The following SMYD3 variants were observed in gnomAD, a reference collection of about 807,000 sequenced individuals.
The protein encoded by SMYD3 is histone-lysine N-methyltransferase SMYD3.
In SMYD3, 36 loss-of-function variants were observed where a neutral mutation model predicts 57.7. The ratio of observed to expected loss-of-function variants is 0.62; its 90% CI spans 0.48 to 0.82. The LOEUF is 0.82. Among genes scored for constraint, SMYD3 ranks in the 40% least tolerant of loss-of-function variants. SMYD3 has a pLI of 0.00. For synonymous variants in SMYD3, 211 were observed against 195.0 expected, an observed-to-expected ratio of 1.08 and a Z score of -0.68; for missense variants, 515 against 538.8, an observed-to-expected ratio of 0.96 and a Z score of 0.44.
At chr1:246,362,854 C>T (rs1572421388) in intron 1 of SMYD3, among the ~76,000 whole-genome samples, 1 of 152,246 alleles carries the variant, frequency 6.6e-6, no homozygotes, top group East Asian at 1.9e-4. Flanking sequence ...TCCCAAAGTG[C>T]CGAGATTGCA....
chr1:246,075,155 TGC>T (rs1221117100), intron 5 of SMYD3, among the ~76,000 whole-genome samples: 5 of 152,074 alleles, frequency 3.3e-5, no homozygotes, highest in African/African-American at 1.2e-4. Context: ...TTCATTACTA[TGC>T]CCAAGAAAAG....
At chr1:246,415,920 T>C (rs890202253) in intron 1 of SMYD3, among the ~76,000 whole-genome samples, 2 of 152,250 alleles carry the variant, frequency 1.3e-5, no homozygotes, top group Admixed American at 1.3e-4. Context: ...CCGTATGTTA[T>C]GCCTTGAACT....
At chr1:246,382,660 T>C (rs551864899) in intron 1 of SMYD3, among the ~76,000 whole-genome samples, 2 of 151,760 alleles carry the variant, frequency 1.3e-5, no homozygotes, top group South Asian at 4.2e-4. Context: ...TAGTGCCAGG[T>C]TGCCCCACAG....
chr1:246,105,088 A>G (rs189788523), intron 5 of SMYD3, among the ~76,000 whole-genome samples: 43 of 152,290 alleles, frequency 2.8e-4, no homozygotes, highest in African/African-American at 9.1e-4. Flanking sequence ...TGGCCACACC[A>G]TCCTAACAGG....
intron 1 of SMYD3, among the ~76,000 whole-genome samples, chr1:246,413,442 C>A (rs540298678): frequency 6.6e-5 from 10 of 152,148 alleles, no homozygotes; most frequent in African/African-American, 2.4e-4. Flanking sequence ...AGCGCTATTC[C>A]CAACAGAATG....
At chr1:246,182,339 C>CT in intron 5 of SMYD3, among the ~76,000 whole-genome samples, 1 of 152,206 alleles carries the variant, frequency 6.6e-6, no homozygotes, top group East Asian at 1.9e-4. Context: ...CTCGACTTCT[C>CT]TATCACCTCT....
intron 5 of SMYD3, among the ~76,000 whole-genome samples, chr1:246,046,661 T>TA (rs904639204): frequency 2.8e-5 from 4 of 143,602 alleles, no homozygotes; most frequent in Non-Finnish European, 4.5e-5. Flanking sequence ...ATTTTATATA[T>TA]TTTTTTAATA....
At chr1:246,499,866 G>A (rs918486076) in intron 1 of SMYD3, among the ~76,000 whole-genome samples, 1 of 152,056 alleles carries the variant, frequency 6.6e-6, no homozygotes, top group Non-Finnish European at 1.5e-5. Context: ...TCTCAATAAC[G>A]TTTTTTAAAT....
At chr1:245,796,355 T>A (rs1001824924) in intron 10 of SMYD3, among the ~76,000 whole-genome samples, 2 of 150,874 alleles carry the variant, frequency 1.3e-5, no homozygotes, top group African/African-American at 2.5e-5. Flanking sequence ...ATTTTTTTTT[T>A]AATAAAATGG....
At chr1:246,307,477 T>G (rs949447747) in intron 5 of SMYD3, among the ~76,000 whole-genome samples, 3 of 141,780 alleles carry the variant, frequency 2.1e-5, no homozygotes, top group Admixed American at 7.7e-5. Context: ...TGGAGTGCAG[T>G]GGCGTGATCT....
intron 10 of SMYD3, among the ~76,000 whole-genome samples, chr1:245,818,184 C>T (rs1221537926): frequency 5.3e-5 from 8 of 152,204 alleles, no homozygotes; most frequent in Non-Finnish European, 1.0e-4. Context: ...GCCCATCAGA[C>T]TAACAGCGGA....
At chr1:246,113,079 G>A (rs1199054975) in intron 5 of SMYD3, among the ~76,000 whole-genome samples, 1 of 152,050 alleles carries the variant, frequency 6.6e-6, no homozygotes, top group Non-Finnish European at 1.5e-5. Context: ...ATACTCAGGA[G>A]GCTGAGGCAG....
intron 11 of SMYD3, among the ~76,000 whole-genome samples, chr1:245,750,145 C>T (rs1324290606): frequency 2.0e-5 from 3 of 152,144 alleles, no homozygotes; most frequent in Admixed American, 6.5e-5. Flanking sequence ...CTCTCCTTCA[C>T]TGCTCATATT....
At chr1:245,837,723 G>A (rs530574474) in intron 10 of SMYD3, among the ~76,000 whole-genome samples, 11 of 152,154 alleles carry the variant, frequency 7.2e-5, no homozygotes, top group Non-Finnish European at 1.3e-4. Flanking sequence ...CGAGACACCC[G>A]GAGACTTCTA....
intron 5 of SMYD3, among the ~76,000 whole-genome samples, chr1:246,045,819 T>C (rs2059954073): frequency 6.6e-6 from 1 of 151,902 alleles, no homozygotes; most frequent in African/African-American, 2.4e-5. Context: ...GCAAAGGATA[T>C]GAACAGACAC....
chr1:246,234,300 A>C (rs2063477379), intron 5 of SMYD3, among the ~76,000 whole-genome samples: 1 of 151,642 alleles, frequency 6.6e-6, no homozygotes, highest in Admixed American at 6.6e-5. Flanking sequence ...CATACACCAG[A>C]GGAGAAGTGC....
intron 5 of SMYD3, among the ~76,000 whole-genome samples, chr1:246,088,594 G>A (rs6680073): frequency 0.79 from 112,667 of 143,438 alleles, 45,085 homozygotes; most frequent in Admixed American, 0.84. Flanking sequence ...TGGGCGACAG[G>A]GCGAGACTCC....
At chr1:246,253,979 CT>C (rs1279358534) in intron 5 of SMYD3, among the ~76,000 whole-genome samples, 1 of 152,120 alleles carries the variant, frequency 6.6e-6, no homozygotes, top group East Asian at 1.9e-4. Context: ...TAAGTACTCC[CT>C]TTTCTCTTTT....
At chr1:245,768,312 C>T (rs1052425171) in intron 10 of SMYD3, among the ~76,000 whole-genome samples, 1 of 152,154 alleles carries the variant, frequency 6.6e-6, no homozygotes, top group African/African-American at 2.4e-5. Context: ...TACACACCAG[C>T]TTTAACTCAG....
Sources: allele counts gnomAD v4.1 joint callset (sites outside exome capture counted in the v4.1 genomes callset), GRCh38; gene constraint gnomAD v4.1.1; transcripts MANE v1.5; gene names NCBI Gene and HGNC (gene_info 2026-07-23, HGNC 2026-07-21).